The following EPHA6 variants were observed in gnomAD, a reference collection of about 807,000 sequenced individuals.
The protein encoded by EPHA6 is EPH receptor A6.
EPHA6 carries 50 observed loss-of-function variants against 112.0 expected under a neutral mutation model. That is an observed-to-expected ratio of 0.45 (90% CI 0.36 to 0.56). The LOEUF (loss-of-function observed/expected upper bound fraction) is 0.56, where lower values mean the gene tolerates loss of function less well. Among genes scored for constraint, EPHA6 ranks in the 20% least tolerant of loss-of-function variants. EPHA6 has a pLI of 0.00. For missense variants in EPHA6, 1,280 were observed against 1,417.4 expected, an observed-to-expected ratio of 0.90 and a Z score of 1.56; for synonymous variants, 529 against 490.7, an observed-to-expected ratio of 1.08 and a Z score of -1.03.
rs142989231 is a variant in EPHA6 at position 97,708,513 on chromosome 3, T to G, written c.2785-11748T>G. Among the ~76,000 whole-genome samples the G allele has an allele frequency of 5.8e-4, 88 of 152,352 alleles. 1 individual carries two copies. The East Asian group carries it at 0.013, about 22-fold the overall frequency. On this transcript the variant is annotated intron_variant, in intron 14 of 17. Transcript: ENST00000389672. ...AGCAGAGTGTAAAAGTTTGGAAAAT[T>G]TGAAGCCTGACCTTTTGGTAGAAAA... is the stretch of plus-strand genomic sequence containing the variant.
intron 3 of EPHA6, among the ~76,000 whole-genome samples, chr3:97,032,387 A>T (rs1235148943): frequency 6.6e-6 from 1 of 152,096 alleles, no homozygotes. Context: ...AACATGGCAC[A>T]TGTGTACCTA....
intron 2 of EPHA6, among the ~76,000 whole-genome samples, chr3:96,927,048 A>G (rs1158841887): frequency 1.3e-5 from 2 of 152,220 alleles, no homozygotes; most frequent in Non-Finnish European, 2.9e-5. Flanking sequence ...GAGCATTTCC[A>G]TACATTCTCT....
At chr3:97,447,679 T>G in intron 6 of EPHA6, 1 of 702,400 alleles carries the variant, frequency 1.4e-6, no homozygotes, top group Admixed American at 6.1e-5. Flanking sequence ...TCTGAGATAG[T>G]GGGCAAGAGA....
intron 3 of EPHA6, among the ~76,000 whole-genome samples, chr3:97,050,091 A>G (rs897789169): frequency 6.6e-6 from 1 of 152,206 alleles, no homozygotes; most frequent in Non-Finnish European, 1.5e-5. Flanking sequence ...TCTTCTGCTA[A>G]TCTCTCTTTC....
chr3:97,457,374 G>A (rs1230461500), intron 7 of EPHA6, among the ~76,000 whole-genome samples: 1 of 152,042 alleles, frequency 6.6e-6, no homozygotes. Flanking sequence ...ACATAGCATG[G>A]GGTTTTGGTT....
intron 3 of EPHA6, among the ~76,000 whole-genome samples, chr3:97,054,270 G>A (rs946225075): frequency 5.9e-5 from 9 of 151,754 alleles, no homozygotes; most frequent in East Asian, 1.9e-4. Flanking sequence ...TATTTCTTTC[G>A]AATGATTTAG....
intron 11 of EPHA6, among the ~76,000 whole-genome samples, chr3:97,551,529 T>C (rs954244553): frequency 2.0e-5 from 3 of 152,186 alleles, no homozygotes; most frequent in African/African-American, 7.2e-5. Flanking sequence ...AATAATGTGT[T>C]GACCTTTCTC....
At chr3:97,271,406 T>C (rs1369602760) in intron 5 of EPHA6, among the ~76,000 whole-genome samples, 1 of 152,216 alleles carries the variant, frequency 6.6e-6, no homozygotes, top group Non-Finnish European at 1.5e-5. Flanking sequence ...TCACCCAGGC[T>C]GGAGTGCAGT....
intron 5 of EPHA6, among the ~76,000 whole-genome samples, chr3:97,386,224 C>A: frequency 6.6e-6 from 1 of 152,170 alleles, no homozygotes; most frequent in Non-Finnish European, 1.5e-5. Context: ...GCTGATTAAA[C>A]CTTAGTTACT....
chr3:97,707,768 T>C (rs576683438), intron 14 of EPHA6, among the ~76,000 whole-genome samples: 176 of 152,182 alleles, frequency 1.2e-3, no homozygotes, highest in African/African-American at 4.1e-3. Flanking sequence ...ATGGGACCAG[T>C]TTCCCCCATG....
intron 5 of EPHA6, among the ~76,000 whole-genome samples, chr3:97,387,992 TAAAC>T (rs1274406102): frequency 4.6e-5 from 7 of 152,230 alleles, no homozygotes; most frequent in South Asian, 2.1e-4. Flanking sequence ...TATACACTGT[TAAAC>T]AACCAGATCT....
chr3:97,149,162 A>G (rs1405228024), intron 3 of EPHA6, among the ~76,000 whole-genome samples: 4 of 152,124 alleles, frequency 2.6e-5, no homozygotes, highest in African/African-American at 9.7e-5. Context: ...CCCATGACTA[A>G]AAGAACTGTC....
At chr3:97,661,140 G>A (rs1048328496) in intron 14 of EPHA6, among the ~76,000 whole-genome samples, 1 of 152,080 alleles carries the variant, frequency 6.6e-6, no homozygotes, top group Non-Finnish European at 1.5e-5. Flanking sequence ...TGGTGCTGTA[G>A]CACCTCCAGT....
intron 14 of EPHA6, among the ~76,000 whole-genome samples, chr3:97,663,967 C>T (rs2094188257): frequency 6.6e-6 from 1 of 152,142 alleles, no homozygotes; most frequent in South Asian, 2.1e-4. Context: ...TAAAAGTGTT[C>T]CTATTTCTCC....
chr3:97,173,234 A>T (rs904545885), intron 3 of EPHA6, among the ~76,000 whole-genome samples: 2 of 151,970 alleles, frequency 1.3e-5, no homozygotes, highest in Non-Finnish European at 2.9e-5. Context: ...GTCAAGTGGC[A>T]TGCTAGCATA....
intron 5 of EPHA6, among the ~76,000 whole-genome samples, chr3:97,358,319 C>T (rs2084190139): frequency 6.6e-6 from 1 of 151,844 alleles, no homozygotes; most frequent in Non-Finnish European, 1.5e-5. Flanking sequence ...GAATTCATAC[C>T]AGCTTTCCTT....
intron 2 of EPHA6, among the ~76,000 whole-genome samples, chr3:96,914,586 G>A (rs2039394210): frequency 6.6e-6 from 1 of 152,146 alleles, no homozygotes; most frequent in Non-Finnish European, 1.5e-5. Flanking sequence ...ATTTCACATA[G>A]GGTTTGAGGA....
At chr3:97,204,667 T>G (rs2077667535) in intron 3 of EPHA6, among the ~76,000 whole-genome samples, 1 of 152,088 alleles carries the variant, frequency 6.6e-6, no homozygotes, top group African/African-American at 2.4e-5. Flanking sequence ...TTCTCCATCA[T>G]TTTGGGAAAA....
chr3:97,629,376 A>G (rs992628847), intron 13 of EPHA6, among the ~76,000 whole-genome samples: 4 of 152,038 alleles, frequency 2.6e-5, no homozygotes, highest in African/African-American at 7.2e-5. Flanking sequence ...AAATAATGTG[A>G]CATCAGACAT....
Sources: allele counts gnomAD v4.1 joint callset (sites outside exome capture counted in the v4.1 genomes callset), GRCh38; gene constraint gnomAD v4.1.1; transcripts MANE v1.5; gene names NCBI Gene and HGNC (gene_info 2026-07-23, HGNC 2026-07-21).